Variants in FHOD3 observed in about 807,000 individuals in gnomAD.
The protein encoded by FHOD3 is formin homology 2 domain containing 3, also known as FH1/FH2 domain-containing protein 3.
In FHOD3, 90 loss-of-function variants were observed where a neutral mutation model predicts 173.0. The observed-to-expected ratio is 0.52, with a 90% CI of 0.44 to 0.62. The LOEUF is 0.62. Ranked by LOEUF, FHOD3 falls within the 20% of genes least tolerant of loss-of-function variation. The pLI, the probability that FHOD3 is intolerant of heterozygous loss-of-function variation, is 0.00. For synonymous variants in FHOD3, 828 were observed against 823.0 expected (o/e 1.01, Z -0.10); for missense variants, 1,945 against 2,034.7 (o/e 0.96, Z 0.85).
chr18:36,523,982 T>A (rs1219816607), intron 5 of FHOD3, among the ~76,000 whole-genome samples: 1 of 152,118 alleles, frequency 6.6e-6, no homozygotes, highest in African/African-American at 2.4e-5. Flanking sequence ...TCTTTAGTCA[T>A]TAAGAGGCTT....
At chr18:36,403,351 G>A (rs150559693) in intron 3 of FHOD3, among the ~76,000 whole-genome samples, 261 of 152,290 alleles carry the variant, frequency 1.7e-3, no homozygotes, top group East Asian at 6.6e-3. Context: ...AAGAAAACTA[G>A]TTAGTTCACA....
chr18:36,623,699 T>C (rs756197242), intron 9 of FHOD3, among the ~76,000 whole-genome samples: 8 of 152,236 alleles, frequency 5.3e-5, no homozygotes, highest in Non-Finnish European at 1.0e-4. Context: ...GTCAAAAGTC[T>C]GTTAAATTAT....
At chr18:36,577,132 G>A (rs1218920680) in intron 6 of FHOD3, among the ~76,000 whole-genome samples, 1 of 151,712 alleles carries the variant, frequency 6.6e-6, no homozygotes, top group African/African-American at 2.4e-5. Context: ...TAAGATCTGT[G>A]AACCATCTGT....
At chr18:36,391,837 CTG>C (rs1008231652) in intron 3 of FHOD3, among the ~76,000 whole-genome samples, 1 of 152,188 alleles carries the variant, frequency 6.6e-6, no homozygotes, top group African/African-American at 2.4e-5. Flanking sequence ...GGCCCCCTGA[CTG>C]TGTTGGTGCC....
At chr18:36,603,572 C>T (rs776149134) in intron 8 of FHOD3, among the ~76,000 whole-genome samples, 18 of 151,894 alleles carry the variant, frequency 1.2e-4, no homozygotes, top group Admixed American at 3.3e-4. Context: ...GGCACGATCT[C>T]GGCTCACTGC....
At chr18:36,468,433 G>A (rs2053078598) in intron 3 of FHOD3, among the ~76,000 whole-genome samples, 1 of 152,110 alleles carries the variant, frequency 6.6e-6, no homozygotes, top group Non-Finnish European at 1.5e-5. Flanking sequence ...GATAAGATAG[G>A]GGCAGCAACA....
At chr18:36,609,724 C>T (rs1371168744) in intron 8 of FHOD3, among the ~76,000 whole-genome samples, 1 of 151,510 alleles carries the variant, frequency 6.6e-6, no homozygotes, top group Non-Finnish European at 1.5e-5. Flanking sequence ...ATTCTTGTGC[C>T]TCAGCCTCCC....
At chr18:36,651,207 C>A (rs185691929) in intron 11 of FHOD3, among the ~76,000 whole-genome samples, 1 of 152,212 alleles carries the variant, frequency 6.6e-6, no homozygotes, top group Non-Finnish European at 1.5e-5. Flanking sequence ...TCCAGGGAAA[C>A]TGTTGGGTGC....
chr18:36,503,163 AG>A (rs1188378049), intron 4 of FHOD3, among the ~76,000 whole-genome samples: 1 of 152,172 alleles, frequency 6.6e-6, no homozygotes, highest in Non-Finnish European at 1.5e-5. Flanking sequence ...GGACTAGGAC[AG>A]GTGTGCAGAG....
chr18:36,395,418 C>T (rs377096682), intron 3 of FHOD3, among the ~76,000 whole-genome samples: 2 of 151,960 alleles, frequency 1.3e-5, no homozygotes, highest in African/African-American at 4.8e-5. Context: ...CTGCAGGTTT[C>T]TTCATGTTTA....
rs563335697 is a variant in FHOD3, at chr18:36,399,393, T to A, written c.337+26649T>A. On this transcript the variant is annotated intron_variant, in intron 3 of 28. Coordinates refer to ENST00000590592, the MANE Select transcript of FHOD3 (RefSeq NM_001281740.3). ...TGTCTCACTTGAGTACGACTAGACATGTATTTGAGTTTTCTGATGTGGATT... is the reference window on the plus strand; with the variant it reads ...TGTCTCACTTGAGTACGACTAGACAAGTATTTGAGTTTTCTGATGTGGATT... Among the ~76,000 whole-genome samples the A allele has an allele frequency of 3.9e-5, 6 of 152,280 alleles. No homozygotes were observed. The East Asian group carries it at 1.2e-3, about 29-fold the overall frequency.
Position 36,600,591 on chromosome 18 carries a change from C to T in FHOD3, c.719-2083C>T, listed in dbSNP as rs2031233991. ...AATCCTTAGATGGTAATAAGAGACT[C>T]AGATAACACAGCTAAAAACACGTTT... On this transcript the variant is annotated intron_variant, in intron 7 of 28. Transcript: ENST00000590592. 2.6e-5 allele frequency among the ~76,000 whole-genome samples: 4 copies of T among 152,306 alleles called. 1 individual carries two copies. In the South Asian group the frequency reaches 6.2e-4, roughly 24 times the overall value.
intron 1 of FHOD3, among the ~76,000 whole-genome samples, chr18:36,313,270 A>C (rs1461941685): frequency 6.6e-6 from 1 of 152,242 alleles, no homozygotes; most frequent in African/African-American, 2.4e-5. Context: ...AAGAATTGCC[A>C]AAGAATTTGT....
intron 3 of FHOD3, among the ~76,000 whole-genome samples, chr18:36,499,198 G>C (rs1389883850): frequency 2.0e-5 from 3 of 152,266 alleles, no homozygotes; most frequent in East Asian, 3.9e-4. Context: ...CCACCTCCCA[G>C]GTTCACGAGA....
chr18:36,495,155 A>G (rs1199281708), intron 3 of FHOD3, among the ~76,000 whole-genome samples: 1 of 151,752 alleles, frequency 6.6e-6, no homozygotes, highest in Admixed American at 6.6e-5. Context: ...TGCTCAGTCT[A>G]GTCTCAAATT....
intron 3 of FHOD3, among the ~76,000 whole-genome samples, chr18:36,394,982 A>G (rs1217946798): frequency 6.6e-6 from 1 of 152,174 alleles, no homozygotes; most frequent in East Asian, 1.9e-4. Context: ...TCTCTTCTAT[A>G]TTACACCCTC....
At chr18:36,595,582 C>G (rs934756359) in intron 7 of FHOD3, among the ~76,000 whole-genome samples, 2 of 152,204 alleles carry the variant, frequency 1.3e-5, no homozygotes, top group Non-Finnish European at 1.5e-5. Context: ...TTGCCCATCC[C>G]TGTCTCTCCA....
At chr18:36,566,292 AAAACATTTTTAAAAATTTT>A (rs1409223452) in intron 5 of FHOD3, among the ~76,000 whole-genome samples, 9 of 152,320 alleles carry the variant, frequency 5.9e-5, no homozygotes, top group Admixed American at 1.3e-4. Flanking sequence ...TATCTCTAAG[AAAACATTTTTAAAAATTTT>A]AAACATTTTT....
chr18:36,656,483 A>C (rs2149165595), intron 13 of FHOD3, among the ~76,000 whole-genome samples: 1 of 152,280 alleles, frequency 6.6e-6, no homozygotes, highest in African/African-American at 2.4e-5. Flanking sequence ...ACACTAAATA[A>C]ATAAGGACAG....
Sources: gnomAD v4.1 joint callset for allele counts (sites outside exome capture counted in the v4.1 genomes callset) on GRCh38, gnomAD v4.1.1 for gene constraint, MANE v1.5 for transcripts, NCBI Gene and HGNC (gene_info 2026-07-23, HGNC 2026-07-21) for gene names.